The following METRN variants were observed in gnomAD, a reference collection of about 807,000 sequenced individuals.
METRN encodes the protein meteorin.
A neutral mutation model predicts 17.4 loss-of-function variants in METRN; 17 were observed. That is an observed-to-expected ratio of 0.98 (90% CI 0.67 to 1.46). The LOEUF is 1.46. Among genes scored for constraint, METRN ranks in the 40% most tolerant of loss-of-function variants. The probability of loss-of-function intolerance (pLI) is 0.00; values close to 1 mark genes in which losing one functional copy is unlikely to be tolerated. For synonymous variants in METRN, 230 were observed against 210.8 expected (o/e 1.09, Z -0.79); for missense variants, 489 against 456.2 (o/e 1.07, Z -0.65).
At position 718,723 on chromosome 16, in the gene METRN, C is replaced by T. The variant is rs1045797381; in HGVS notation, c.*1336C>T. ...GGTGAGGAGCGCAGCCACTGGGTGT[C>T]ATGCACTGTGGGGGTTCTCCCACCT... On this transcript the variant is annotated 3_prime_UTR_variant, in exon 4 of 4. Coordinates refer to ENST00000568223, the MANE Select transcript of METRN (RefSeq NM_024042.4). The T allele has an allele frequency of 1.3e-5, 2 of 152,498 alleles. No individual in the cohort carries two copies. The highest frequency in any genetic ancestry group is 2.9e-5 in the Non-Finnish European group (2 of 68,186). 9.4% of individuals were successfully genotyped at this position (152,498 alleles called of 1,614,324 possible).
chr16:715,408 G>A lies in METRN; in HGVS notation c.104+15G>A, dbSNP rs562608793. 35 of 1,291,264 alleles carry A rather than the reference G, an allele frequency of 2.7e-5. No individual in the cohort carries two copies. In the Admixed American group the frequency reaches 1.2e-3, roughly 44 times the overall value. 80.0% of individuals were successfully genotyped at this position (1,291,264 alleles called of 1,614,324 possible). ...TGGAGGGGCAGGTACGGTCCGGGGGGCTGTCCCCGCACTTAGGACGGGGTG... is the reference window on the plus strand; with the variant it reads ...TGGAGGGGCAGGTACGGTCCGGGGGACTGTCCCCGCACTTAGGACGGGGTG... On this transcript the variant is annotated intron_variant, in intron 1 of 3. Coordinates refer to ENST00000568223, the MANE Select transcript of METRN (RefSeq NM_024042.4).
Position 717,764 on chromosome 16 carries a change from T to A in METRN, c.*377T>A. On this transcript the variant is annotated 3_prime_UTR_variant, in exon 4 of 4. Transcript: ENST00000568223. ...CCCCGTCCTTGCCCGCACCCTTGCC[T>A]GCTTCCCTGGCTGGCTCCCACTTGC... is the stretch of plus-strand genomic sequence containing the variant. 4.9e-6 allele frequency: 1 copy of A among 203,444 alleles called. No homozygotes were observed. Among genetic ancestry groups the A allele is most frequent in the Non-Finnish European group, 9.8e-6 (1 of 102,196 alleles). The allele number at this position is 203,444 out of a possible 1,614,324, so 12.6% of individuals were successfully genotyped here. A position where few individuals can be genotyped will look rare whatever the true frequency, so the allele number is the denominator to read the frequency against.
chr16:716,408 C>A, intron 2 of METRN: 9 of 1,430,306 alleles, frequency 6.3e-6, no homozygotes, highest in Non-Finnish European at 8.2e-6. Flanking sequence ...CCGCTCGCCT[C>A]CCTGCAGGGC....
In METRN at chr16:717,011, G is replaced by A; in HGVS notation, c.565+19G>A. On this transcript the variant is annotated intron_variant, in intron 3 of 3. Transcript: ENST00000568223. The stretch of plus-strand genomic sequence containing the variant: ...GACTTCGGTGAGTGTCCCCGCCATG[G>A]GGGGAGCCTGGAGCCTGCCTTCCCC... 1 of 1,610,446 alleles carries A rather than the reference G, an allele frequency of 6.2e-7. No homozygotes were observed. The highest frequency in any genetic ancestry group is 8.5e-7 in the Non-Finnish European group (1 of 1,178,568).
Position 715,142 on chromosome 16 carries a change from C to G in METRN, c.-148C>G, listed in dbSNP as rs1250477030. 7 of 169,364 alleles carry G rather than the reference C, an allele frequency of 4.1e-5. No individual in the cohort carries two copies. Among genetic ancestry groups the G allele is most frequent in the Non-Finnish European group, 8.1e-5 (7 of 86,002 alleles). 10.5% of individuals were successfully genotyped at this position (169,364 alleles called of 1,614,324 possible). A position where few individuals can be genotyped will look rare whatever the true frequency, so the allele number is the denominator to read the frequency against. ...CAAGGCGGCCCCGGCGCTGGGGCTG[C>G]GCGGCAGGCGGAGCGGCCGCGGGCT... is the stretch of plus-strand genomic sequence containing the variant. On this transcript the variant is annotated 5_prime_UTR_variant, in exon 1 of 4. Transcript: ENST00000568223.
rs766147323 is a variant in METRN, at chr16:717,166, C to T, written c.661C>T (p.Pro221Ser). ...VAARVLRQTP[P>S]LFQAGRSGDQ... ...CGCCCGTGTCCTCCGCCAGACACCG[C>T]CGCTGTTCCAGGCGGGGCGATCCGG... Residue 221 changes from proline (P) to serine (S), a missense_variant, in exon 4 of 4, where the codon CCG becomes TCG. By Grantham distance (74) the Pro-to-Ser change is moderately conservative. Coordinates refer to ENST00000568223, the MANE Select transcript of METRN (RefSeq NM_024042.4). The T allele has an allele frequency of 6.2e-7, 1 of 1,605,564 alleles. No individual in the cohort carries two copies. Among genetic ancestry groups the T allele is most frequent in the South Asian group, 1.1e-5 (1 of 90,200 alleles).
rs907897826 is a variant in METRN at position 715,720 on chromosome 16, G to C, written c.241G>C (p.Ala81Pro). Residue 81 changes from alanine to proline, a missense_variant, in exon 2 of 4, where the codon GCC becomes CCC. Physicochemically the swap from Ala to Pro is conservative, Grantham distance 27 (BLOSUM62 -1). Transcript: ENST00000568223. The part of the protein sequence containing the change: ...GPDPRARPGI[A>P]CLRPVRPFAG... ...CGATCCCAGAGCGCGGCCCGGCATC[G>C]CCTGTCTGCGGCCGGTGCGGCCCTT... The C allele has an allele frequency of 7.3e-7, 1 of 1,363,388 alleles. No individual in the cohort carries two copies. Among genetic ancestry groups the C allele is most frequent in the African/African-American group, 1.5e-5 (1 of 65,466 alleles). The allele number at this position is 1,363,388 out of a possible 1,614,324, so 84.5% of individuals were successfully genotyped here. A position where few individuals can be genotyped will look rare whatever the true frequency, so the allele number is the denominator to read the frequency against.
chr16:715,246 G>T lies in METRN; in HGVS notation c.-44G>T. The T allele has an allele frequency of 9.1e-7, 1 of 1,104,014 alleles. No individual in the cohort carries two copies. 68.4% of individuals were successfully genotyped at this position (1,104,014 alleles called of 1,614,324 possible). A position where few individuals can be genotyped will look rare whatever the true frequency, so the allele number is the denominator to read the frequency against. On this transcript the variant is annotated 5_prime_UTR_variant, in exon 1 of 4. Transcript: ENST00000568223. The stretch of plus-strand genomic sequence containing the variant: ...CCCGGACCCGCGCCCCGCCGGGGCA[G>T]CGGTGGTGAGAGCCCCGACTCCCCG...
rs770302688 is a variant in METRN, at chr16:717,311, G to A, written c.806G>A (p.Arg269Gln). The change falls in exon 4 of 4, where the codon CGA becomes CAA. Residue 269 changes from arginine (R) to glutamine (Q), a missense_variant. Transcript: ENST00000568223. ...FGEARLGCAPRFQEFRRAYEA... is the reference protein window; with the variant it reads ...FGEARLGCAPQFQEFRRAYEA... ...GAGGCCCGGCTGGGCTGTGCCCCAC[G>A]ATTCCAGGAGTTCCGCCGTGCCTAC... is the stretch of plus-strand genomic sequence containing the variant. 1.6e-5 allele frequency: 25 copies of A among 1,516,544 alleles called. No homozygotes were observed. In the African/African-American group the frequency reaches 2.2e-4, roughly 13 times the overall value. 93.9% of individuals were successfully genotyped at this position (1,516,544 alleles called of 1,614,324 possible).
At position 717,265 on chromosome 16, in the gene METRN, A is replaced by G. The variant is rs754276927; in HGVS notation, c.760A>G (p.Met254Val). The change falls in exon 4 of 4, where the codon ATG becomes GTG. Residue 254 changes from methionine to valine, a missense_variant. Physicochemically the swap from Met to Val is conservative, Grantham distance 21. Coordinates refer to ENST00000568223, the MANE Select transcript of METRN (RefSeq NM_024042.4). The part of the protein sequence containing the change: ...VHPGPGTFLF[M>V]GWSRFGEARL... ...CCCGGGCCCAGGCACCTTCCTCTTC[A>G]TGGGCTGGAGCCGCTTTGGGGAGGC... The G allele has an allele frequency of 1.9e-6, 3 of 1,560,562 alleles. No homozygotes were observed. The highest frequency in any genetic ancestry group is 1.7e-4 in the Middle Eastern group (1 of 5,986).
At chr16:716,327 C>G in intron 2 of METRN, 1 of 1,398,524 alleles carries the variant, frequency 7.2e-7, no homozygotes, top group Non-Finnish European at 9.3e-7. Flanking sequence ...CCTGGCCCAG[C>G]GGTGACCTCT....
chr16:716,432 C>T, intron 2 of METRN: 1 of 1,435,068 alleles, frequency 7.0e-7, no homozygotes, highest in African/African-American at 1.4e-5. Context: ...AGGCCCAGCT[C>T]TTGCTTGGCT....
At chr16:716,701 A>T (rs1435766141) in intron 2 of METRN, 1 of 1,535,322 alleles carries the variant, frequency 6.5e-7, no homozygotes, top group Non-Finnish European at 8.7e-7. Flanking sequence ...GTCTGTGTGC[A>T]TTCCTGCCTT....
At chr16:716,074 C>A in intron 2 of METRN, 90 bp downstream of exon 2, 2 of 1,351,994 alleles carry the variant, frequency 1.5e-6, no homozygotes, top group South Asian at 1.7e-5. Context: ...GGCCCCACTG[C>A]AGAAGGAAAA....
At position 717,137 on chromosome 16, in the gene METRN, T is replaced by G. The variant is rs2040167773; in HGVS notation, c.632T>G (p.Val211Gly). 1 of 1,601,828 alleles carries G rather than the reference T, an allele frequency of 6.2e-7. No homozygotes were observed. The highest frequency in any genetic ancestry group is 8.5e-7 in the Non-Finnish European group (1 of 1,174,150). Residue 211 changes from valine to glycine, a missense_variant, in exon 4 of 4, where the codon GTG becomes GGG. Val to Gly is a moderately radical substitution (Grantham distance 109). Coordinates refer to ENST00000568223, the MANE Select transcript of METRN (RefSeq NM_024042.4). Reference protein sequence around the residue: ...VELQESVITVVAARVLRQTPP... With the variant: ...VELQESVITVGAARVLRQTPP... The stretch of plus-strand genomic sequence containing the variant: ...CTGCAGGAGTCTGTCATCACTGTGG[T>G]GGCCGCCCGTGTCCTCCGCCAGACA...
At chr16:715,482 G>A (rs1388679675) in intron 1 of METRN, 89 bp downstream of exon 1, 2 of 1,259,396 alleles carry the variant, frequency 1.6e-6, no homozygotes, top group Non-Finnish European at 2.0e-6. Context: ...GCAGAGCGCT[G>A]GGCCGGTTTC....
At position 717,666 on chromosome 16, in the gene METRN, A is replaced by T; in HGVS notation, c.*279A>T. 45 of 295,662 alleles carry T rather than the reference A, an allele frequency of 1.5e-4. No homozygotes were observed. Among genetic ancestry groups the T allele is most frequent in the Middle Eastern group, 9.4e-4 (1 of 1,068 alleles). The allele number at this position is 295,662 out of a possible 1,614,324, so 18.3% of individuals were successfully genotyped here. ...GAGGAGCTACACCCACATTCCGGGG[A>T]GGGGCCGCTGCTGGGTGGGGGGCAC... On this transcript the variant is annotated 3_prime_UTR_variant, in exon 4 of 4. Coordinates refer to ENST00000568223, the MANE Select transcript of METRN (RefSeq NM_024042.4).
chr16:716,978 G>A lies in METRN; in HGVS notation c.551G>A (p.Cys184Tyr). 1 of 1,603,620 alleles carries A rather than the reference G, an allele frequency of 6.2e-7. No homozygotes were observed. The highest frequency in any genetic ancestry group is 8.5e-7 in the Non-Finnish European group (1 of 1,174,436). Residue 184 changes from cysteine to tyrosine, a missense_variant, in exon 3 of 4, where the codon TGC becomes TAC. Physicochemically the swap from Cys to Tyr is radical, Grantham distance 194. Coordinates refer to ENST00000568223, the MANE Select transcript of METRN (RefSeq NM_024042.4). Reference protein sequence around the residue: ...CSDAELLLAACTSDFVIHGII... With the variant: ...CSDAELLLAAYTSDFVIHGII... Reference sequence around the variant, plus strand: ...GACGCTGAGCTGCTCCTGGCCGCATGCACCAGCGACTTCGGTGAGTGTCCC... The same window carrying A: ...GACGCTGAGCTGCTCCTGGCCGCATACACCAGCGACTTCGGTGAGTGTCCC...
chr16:716,326 G>A (rs2040161520), intron 2 of METRN: 1 of 1,400,516 alleles, frequency 7.1e-7, no homozygotes, highest in East Asian at 2.7e-5. Context: ...CCCTGGCCCA[G>A]CGGTGACCTC....
Sources: allele counts gnomAD v4.1 joint callset, GRCh38; gene constraint gnomAD v4.1.1; transcripts MANE v1.5; gene names NCBI Gene and HGNC (gene_info 2026-07-23, HGNC 2026-07-21).